Variants in KRT7 observed in about 807,000 individuals in gnomAD.
KRT7 encodes keratin 7.
Under a neutral mutation model 42.8 loss-of-function variants are expected in KRT7, and 50 were observed. The observed-to-expected ratio is 1.17, with a 90% confidence interval of 0.93 to 1.48. The LOEUF (loss-of-function observed/expected upper bound fraction) is 1.48. KRT7 is among the 40% of genes most tolerant of loss of function. The pLI, the probability that KRT7 is intolerant of heterozygous loss-of-function variation, is 0.00. For synonymous variants in KRT7, 268 were observed against 266.3 expected, an observed-to-expected ratio of 1.01 and a Z score of -0.06; for missense variants, 588 against 637.6, an observed-to-expected ratio of 0.92 and a Z score of 0.84.
At chr12:52,246,493 C>T (rs936332) in intron 7 of KRT7, 90,556 of 152,160 alleles carry the variant, frequency 0.6, 27,445 homozygotes, top group African/African-American at 0.65. Flanking sequence ...AGAGACATGA[C>T]GGAGGATGAA....
In KRT7 at chr12:52,247,733, T is replaced by C. The variant is rs948024706; in HGVS notation, c.1206-444T>C. On this transcript the variant is annotated intron_variant, in intron 7 of 8. Coordinates refer to ENST00000331817, the MANE Select transcript of KRT7 (RefSeq NM_005556.4). The stretch of plus-strand genomic sequence containing the variant: ...TATTAAGCAATGACTTCTCCAGGCC[T>C]CATACTGGGGATAAAAGTATCAATA... 3 of 186,614 alleles carry C rather than the reference T, an allele frequency of 1.6e-5. No individual in the cohort carries two copies. In the Admixed American group the frequency reaches 1.6e-4, roughly 10 times the overall value. 11.6% of individuals were successfully genotyped at this position (186,614 alleles called of 1,614,324 possible).
At chr12:52,252,148 C>T (rs538326595), downstream of KRT7, 76 of 1,322,786 alleles carry the variant, frequency 5.7e-5, no homozygotes, top group South Asian at 5.1e-4. Flanking sequence ...CTCCAATTAG[C>T]GTTGATGCAC....
Position 52,235,507 on chromosome 12 carries a change from A to G in KRT7, c.536+141A>G, listed in dbSNP as rs963856534. Reference sequence around the variant, plus strand: ...ATAACTCCCTGAGGGGCCAGTCTTGACCAACACATTTCCTGCCTTTCCTCT... The same window carrying G: ...ATAACTCCCTGAGGGGCCAGTCTTGGCCAACACATTTCCTGCCTTTCCTCT... On this transcript the variant is annotated intron_variant, in intron 2 of 8. Transcript: ENST00000331817. 2.1e-5 allele frequency: 14 copies of G among 675,208 alleles called. No homozygotes were observed. In the African/African-American group the frequency reaches 2.4e-4, roughly 11 times the overall value. The allele number at this position is 675,208 out of a possible 1,614,324, so 41.8% of individuals were successfully genotyped here.
intron 2 of KRT7, among the ~76,000 whole-genome samples, chr12:52,236,969 T>G (rs529144654): frequency 2.0e-5 from 3 of 152,262 alleles, no homozygotes; most frequent in Non-Finnish European, 4.4e-5. Flanking sequence ...TTCAGACTCC[T>G]TCTTTGCCCC....
chr12:52,238,851 C>T, intron 4 of KRT7, 76 bp downstream of exon 4: 1 of 926,342 alleles, frequency 1.1e-6, no homozygotes, highest in South Asian at 1.4e-5. Context: ...CAGCCCCCCG[C>T]CTCTGTGTCA....
intron 6 of KRT7, 43 bp from the exon 7 acceptor site, chr12:52,245,369 C>A (rs200931504): frequency 6.3e-7 from 1 of 1,598,928 alleles, no homozygotes; most frequent in East Asian, 2.3e-5. Flanking sequence ...GGCAGGAAGG[C>A]AGACTGGTGA....
chr12:52,233,585 A>G lies in KRT7; in HGVS notation c.289A>G (p.Thr97Ala). 6.2e-7 allele frequency: 1 copy of G among 1,612,660 alleles called. No homozygotes were observed. Among genetic ancestry groups the G allele is most frequent in the Non-Finnish European group, 8.5e-7 (1 of 1,179,724 alleles). ...CCAGGAGGAGAGCGAGCAGATCAAG[A>G]CCCTCAACAACAAGTTTGCCTCCTT... The part of the protein sequence containing the change: ...VRQEESEQIK[T>A]LNNKFASFID... The change falls in exon 1 of 9, where the codon ACC (threonine) becomes GCC (alanine). Residue 97 changes from threonine to alanine, a missense_variant. Coordinates refer to ENST00000331817, the MANE Select transcript of KRT7 (RefSeq NM_005556.4).
At chr12:52,240,623 C>G (rs961269920) in intron 4 of KRT7, among the ~76,000 whole-genome samples, 1 of 150,770 alleles carries the variant, frequency 6.6e-6, no homozygotes, top group Admixed American at 6.6e-5. Flanking sequence ...GAGCAAAACT[C>G]TGTCTCAAAA....
In KRT7 at chr12:52,248,622, T is replaced by C. The variant is rs769661571; in HGVS notation, c.1272T>C (p.Ser424=). The C allele has an allele frequency of 1.9e-6, 3 of 1,600,876 alleles. No individual in the cohort carries two copies. The highest frequency in any genetic ancestry group is 1.1e-5 in the South Asian group (1 of 89,172). ...TGAATTCCACTGGTGGCAGTAGCAG[T>C]GGCGGTGGCATTGGGCTGACCCTCG... ...SVMNSTGGSS[S]GGGIGLTLGG... is the part of the protein sequence containing the mutation. The change falls in exon 9 of 9, where the codon AGT becomes AGC. Residue 424 remains serine, a synonymous_variant. Coordinates refer to ENST00000331817, the MANE Select transcript of KRT7 (RefSeq NM_005556.4).
Position 52,237,377 on chromosome 12 carries a change from C to T in KRT7, c.537-132C>T, listed in dbSNP as rs1480289307. ...GGGAAATTTGGTTTTGTAGCTGACA[C>T]CTGTTTTTTCAGGTGTGTCTTTAAA... is the stretch of plus-strand genomic sequence containing the variant. On this transcript the variant is annotated intron_variant, in intron 2 of 8. Coordinates refer to ENST00000331817, the MANE Select transcript of KRT7 (RefSeq NM_005556.4). 7 of 596,630 alleles carry T rather than the reference C, an allele frequency of 1.2e-5. No individual in the cohort carries two copies. In the Admixed American group the frequency reaches 2.1e-4, roughly 18 times the overall value. 37.0% of individuals were successfully genotyped at this position (596,630 alleles called of 1,614,324 possible). A position where few individuals can be genotyped will look rare whatever the true frequency, so the allele number is the denominator to read the frequency against.
chr12:52,237,486 C>T, intron 2 of KRT7, 23 bp from the exon 3 acceptor site: 22 of 1,589,070 alleles, frequency 1.4e-5, no homozygotes, highest in Non-Finnish European at 1.8e-5. Context: ...GCTGCATCAA[C>T]ACCAGGCCCT....
downstream of KRT7, chr12:52,253,259 C>T (rs570512143): frequency 3.4e-5 from 55 of 1,611,360 alleles, no homozygotes; most frequent in Admixed American, 5.2e-4. Flanking sequence ...CTGGATCATG[C>T]GGTTCAGCTC....
rs571643639 is a variant in KRT7, at chr12:52,245,421, T to C, written c.994T>C (p.Leu332=). 58 of 1,613,710 alleles carry C rather than the reference T, an allele frequency of 3.6e-5. No individual in the cohort carries two copies. The highest frequency in any genetic ancestry group is 2.4e-4 in the South Asian group (22 of 91,064). ...IDNIKNQRAK[L]EAAIAEAEER... The stretch of plus-strand genomic sequence containing the variant: ...GCACTGCTGCCCACAGCGTGCCAAG[T>C]TGGAGGCCGCCATTGCCGAGGCTGA... The change falls in exon 7 of 9, where the codon TTG becomes CTG. Residue 332 remains leucine (L), a synonymous_variant. Coordinates refer to ENST00000331817, the MANE Select transcript of KRT7 (RefSeq NM_005556.4).
intron 6 of KRT7, chr12:52,244,696 C>A: frequency 1.0e-6 from 1 of 952,762 alleles, no homozygotes; most frequent in Non-Finnish European, 1.2e-6. Flanking sequence ...ACTATTCAGG[C>A]TCCTGGCAGT....
downstream of KRT7, chr12:52,253,473 C>T (rs138854372): frequency 3.8e-4 from 591 of 1,540,214 alleles, 4 homozygotes; most frequent in African/African-American, 7.0e-3. Flanking sequence ...CTACCCCAAC[C>T]TCAGAGAGGC....
At chr12:52,251,382 G>A (rs1942264872), downstream of KRT7, among the ~76,000 whole-genome samples, 2 of 152,214 alleles carry the variant, frequency 1.3e-5, no homozygotes, top group Non-Finnish European at 2.9e-5. Flanking sequence ...TAGCTGATGA[G>A]CTTTAAAAAA....
chr12:52,248,531 G>T, intron 8 of KRT7, 60 bp from the exon 9 acceptor site: 1 of 1,485,410 alleles, frequency 6.7e-7, no homozygotes, highest in Non-Finnish European at 9.1e-7. Flanking sequence ...TGCAGTGAAG[G>T]GATGGGGTCC....
chr12:52,244,074 G>T (rs1196640057), intron 6 of KRT7, among the ~76,000 whole-genome samples: 1 of 152,254 alleles, frequency 6.6e-6, no homozygotes, highest in Non-Finnish European at 1.5e-5. Context: ...CTGTGCAGGT[G>T]TCTGCAGTGG....
Position 52,242,324 on chromosome 12 carries a change from T to G in KRT7, c.858+688T>G, listed in dbSNP as rs565950129. ...ATTGAGGCACAGAGAGGTTAAGTAA[T>G]TTGCCTAACTGCATACAGCTAGTAG... On this transcript the variant is annotated intron_variant, in intron 5 of 8. Coordinates refer to ENST00000331817, the MANE Select transcript of KRT7 (RefSeq NM_005556.4). Among the ~76,000 whole-genome samples the G allele has an allele frequency of 6.6e-5, 10 of 152,280 alleles. No individual in the cohort carries two copies. The South Asian group carries it at 2.1e-3, about 32-fold the overall frequency.
Sources: allele counts gnomAD v4.1 joint callset (sites outside exome capture counted in the v4.1 genomes callset), GRCh38; gene constraint gnomAD v4.1.1; transcripts MANE v1.5; gene names NCBI Gene and HGNC (gene_info 2026-07-23, HGNC 2026-07-21).